Variants in FAP observed in about 807,000 individuals in gnomAD.
FAP encodes the protein fibroblast activation protein alpha, also known as prolyl endopeptidase FAP.
A neutral mutation model predicts 126.5 loss-of-function variants in FAP; 110 were observed. The observed-to-expected ratio is 0.87, with a 90% CI of 0.74 to 1.02. FAP has a LOEUF of 1.02. Among genes scored for constraint, FAP ranks in the 50% least tolerant of loss-of-function variants. The pLI is 0.00. For missense variants in FAP, 919 were observed against 909.2 expected, an observed-to-expected ratio of 1.01 and a Z score of -0.14; for synonymous variants, 334 against 297.3, an observed-to-expected ratio of 1.12 and a Z score of -1.27.
chr2:162,189,138 A>G lies in FAP; in HGVS notation c.1584T>C (p.Phe528=), dbSNP rs1043511024. The change falls in exon 19 of 26, where the codon TTT becomes TTC. Residue 528 remains phenylalanine (F), a synonymous_variant. Coordinates refer to ENST00000188790, the MANE Select transcript of FAP (RefSeq NM_004460.5). ...GCAAGGGATACTTCTTTGATCTGTC[A>G]AATTGAGGAGGAAGAATCATCTTGT... is the stretch of plus-strand genomic sequence containing the variant. ...LWYKMILPPQ[F]DRSKKYPLLI... 1 of 1,604,478 alleles carries G rather than the reference A, an allele frequency of 6.2e-7. No homozygotes were observed. The highest frequency in any genetic ancestry group is 8.5e-7 in the Non-Finnish European group (1 of 1,174,762).
At chr2:162,227,610 T>C (rs1689709721) in intron 2 of FAP, among the ~76,000 whole-genome samples, 1 of 152,132 alleles carries the variant, frequency 6.6e-6, no homozygotes, top group African/African-American at 2.4e-5. Context: ...AACAAAACTG[T>C]CAAAGATGGG....
chr2:162,176,303 A>T (rs1289484712), intron 21 of FAP: 1 of 152,168 alleles, frequency 6.6e-6, no homozygotes, highest in Non-Finnish European at 1.5e-5. Context: ...AAGAATTCTC[A>T]AACTAATTTA....
At chr2:162,216,698 T>A (rs960368216) in intron 9 of FAP, among the ~76,000 whole-genome samples, 8 of 152,208 alleles carry the variant, frequency 5.3e-5, no homozygotes, top group Admixed American at 3.3e-4. Context: ...GGAGTTGTAA[T>A]AAAATTTAAA....
chr2:162,216,233 G>C, intron 9 of FAP, among the ~76,000 whole-genome samples: 1 of 152,146 alleles, frequency 6.6e-6, no homozygotes, highest in East Asian at 1.9e-4. Flanking sequence ...TGCCTAATGA[G>C]AGAGCTTTAA....
chr2:162,198,416 G>C (rs781171039), intron 16 of FAP: 9 of 1,163,780 alleles, frequency 7.7e-6, no homozygotes, highest in African/African-American at 1.6e-5. Context: ...CTAGCTGACG[G>C]GTTGCCTCTG....
chr2:162,224,550 T>C lies in FAP; in HGVS notation c.286-10A>G. 1 of 1,548,914 alleles carries C rather than the reference T, an allele frequency of 6.5e-7. No individual in the cohort carries two copies. The highest frequency in any genetic ancestry group is 1.2e-5 in the South Asian group (1 of 84,750). On this transcript the variant is annotated splice_polypyrimidine_tract_variant and intron_variant, in intron 4 of 25. Transcript: ENST00000188790. ...AAGCATTCACACTTTTCTGAAATTA[T>C]GAAGAGGTTGATTAGAATACAGAAA...
chr2:162,192,918 T>C (rs1439846048), intron 17 of FAP, among the ~76,000 whole-genome samples: 1 of 152,174 alleles, frequency 6.6e-6, no homozygotes, highest in Non-Finnish European at 1.5e-5. Context: ...CTGCTCTTCC[T>C]GTGTGCTTCC....
At chr2:162,192,475 C>A (rs990482628) in intron 17 of FAP, among the ~76,000 whole-genome samples, 1 of 152,032 alleles carries the variant, frequency 6.6e-6, no homozygotes, top group Admixed American at 6.6e-5. Context: ...TTTCTCCTTC[C>A]ATTTCTCAAG....
At chr2:162,202,335 T>A (rs1688529884) in intron 14 of FAP, among the ~76,000 whole-genome samples, 1 of 152,282 alleles carries the variant, frequency 6.6e-6, no homozygotes, top group Non-Finnish European at 1.5e-5. Context: ...AATCCTAGTC[T>A]GCTACTAACT....
At position 162,189,699 on chromosome 2, in the gene FAP, C is replaced by A; in HGVS notation, c.1506G>T (p.Gln502His). ...KELENALKNI[Q>H]LPKEEIKKLE... ...GTTTCTTAATTTCCTCTTTAGGCAG[C>A]TGGATATTTTTCAAAGCATTTTCCA... Residue 502 changes from glutamine to histidine, a missense_variant, in exon 18 of 26, where the codon CAG becomes CAT. Transcript: ENST00000188790. 6.3e-7 allele frequency: 1 copy of A among 1,593,344 alleles called. No homozygotes were observed. Among genetic ancestry groups the A allele is most frequent in the South Asian group, 1.1e-5 (1 of 87,482 alleles).
At position 162,189,121 on chromosome 2, in the gene FAP, T is replaced by C; in HGVS notation, c.1601A>G (p.Tyr534Cys). Residue 534 changes from tyrosine to cysteine, a missense_variant, in exon 19 of 26, where the codon TAT becomes TGT. By Grantham distance (194) the Tyr-to-Cys change is radical. Coordinates refer to ENST00000188790, the MANE Select transcript of FAP (RefSeq NM_004460.5). ...TACATACACTTGAATTAGCAAGGGA[T>C]ACTTCTTTGATCTGTCAAATTGAGG... ...LPPQFDRSKK[Y>C]PLLIQVYGGP... The C allele has an allele frequency of 6.2e-7, 1 of 1,600,410 alleles. No homozygotes were observed. The highest frequency in any genetic ancestry group is 8.5e-7 in the Non-Finnish European group (1 of 1,171,326).
At chr2:162,224,945 G>A (rs1674696720) in intron 4 of FAP, among the ~76,000 whole-genome samples, 1 of 152,090 alleles carries the variant, frequency 6.6e-6, no homozygotes, top group South Asian at 2.1e-4. Flanking sequence ...GGTTTTTCAG[G>A]GTGGAGAAAG....
In FAP at chr2:162,188,286, C is replaced by A. The variant is rs777277038; in HGVS notation, c.1697G>T (p.Gly566Val). ...ACCATCCACCAAGGCAATGACCATC[C>A]CTTCCTTACTTGCAAGATAAGATAT... ...NWISYLASKE[G>V]MVIALVDGRG... The change falls in exon 20 of 26, where the codon GGG becomes GTG. Residue 566 changes from glycine (G) to valine (V), a missense_variant. Physicochemically the swap from Gly to Val is moderately radical, Grantham distance 109. Transcript: ENST00000188790. 1.2e-6 allele frequency: 2 copies of A among 1,613,340 alleles called. No individual in the cohort carries two copies. Among genetic ancestry groups the A allele is most frequent in the East Asian group, 4.5e-5 (2 of 44,846 alleles).
At chr2:162,234,229 C>T (rs1401639610) in intron 2 of FAP, among the ~76,000 whole-genome samples, 3 of 152,090 alleles carry the variant, frequency 2.0e-5, no homozygotes, top group Admixed American at 1.3e-4. Context: ...CAGCTAGTCA[C>T]TTTCTGCAAA....
chr2:162,194,272 C>CCACA (rs34495951), intron 17 of FAP: 8,508 of 141,626 alleles, frequency 0.06, 656 homozygotes, highest in African/African-American at 0.18. Context: ...TGGGATGTTA[C>CCACA]CACACACACA....
intron 6 of FAP, chr2:162,221,657 G>A (rs1441037533): frequency 4.4e-6 from 2 of 456,528 alleles, no homozygotes; most frequent in Admixed American, 4.7e-5. Flanking sequence ...AATCACACAA[G>A]CAGCACTAAG....
chr2:162,180,646 T>TCAGGAA (rs1174042989), intron 21 of FAP, among the ~76,000 whole-genome samples: 3 of 152,288 alleles, frequency 2.0e-5, no homozygotes, highest in African/African-American at 4.8e-5. Flanking sequence ...AATGTTGAAG[T>TCAGGAA]CAGGAACAGG....
chr2:162,197,837 A>G, intron 16 of FAP: 1 of 340,252 alleles, frequency 2.9e-6, no homozygotes, highest in Non-Finnish European at 5.7e-6. Context: ...GGTAGCATAC[A>G]TTTTGTAATA....
At chr2:162,190,227 T>C (rs1381841430) in intron 17 of FAP, among the ~76,000 whole-genome samples, 2 of 152,068 alleles carry the variant, frequency 1.3e-5, no homozygotes, top group Non-Finnish European at 2.9e-5. Flanking sequence ...AGTTGAATAT[T>C]ATTTCTGTGA....
Sources: gnomAD v4.1 joint callset for allele counts (sites outside exome capture counted in the v4.1 genomes callset) on GRCh38, gnomAD v4.1.1 for gene constraint, MANE v1.5 for transcripts, NCBI Gene and HGNC (gene_info 2026-07-23, HGNC 2026-07-21) for gene names.